MMS22L: variants seen among roughly 807,000 people sequenced by gnomAD.
MMS22L encodes the protein protein MMS22-like.
MMS22L carries 74 observed loss-of-function variants against 159.1 expected under a neutral mutation model. The observed-to-expected ratio is 0.47, with a 90% CI of 0.39 to 0.56. The LOEUF is 0.56. Among genes scored for constraint, MMS22L ranks in the 20% least tolerant of loss-of-function variants. The pLI, the probability that MMS22L is intolerant of heterozygous loss-of-function variation, is 0.00. For synonymous variants in MMS22L, 517 were observed against 506.9 expected (o/e 1.02, Z -0.27); for missense variants, 1,351 against 1,422.1 (o/e 0.95, Z 0.80).
At chr6:97,281,460 CATGTAT>C in intron 2 of MMS22L, 98 bp from the exon 3 acceptor site, 1 of 1,030,128 alleles carries the variant, frequency 9.7e-7, no homozygotes, top group Non-Finnish European at 1.4e-6. Context: ...TTATACATGA[CATGTAT>C]AAAAAGTCAG....
chr6:97,217,969 A>G (rs1363774642), intron 14 of MMS22L, among the ~76,000 whole-genome samples: 1 of 152,140 alleles, frequency 6.6e-6, no homozygotes, highest in African/African-American at 2.4e-5. Context: ...TTGTAGATTC[A>G]AAGTGTTCCT....
At chr6:97,254,104 T>C (rs1813520160) in intron 10 of MMS22L, 1 of 153,388 alleles carries the variant, frequency 6.5e-6, no homozygotes, top group Non-Finnish European at 1.5e-5. Flanking sequence ...TAAGTTATCT[T>C]AGCAAAAAGC....
In MMS22L at chr6:97,272,647, T is replaced by C; in HGVS notation, c.606+57A>G. On this transcript the variant is annotated intron_variant, in intron 6 of 24. Coordinates refer to ENST00000683635, the MANE Select transcript of MMS22L (RefSeq NM_001350599.2). Reference sequence around the variant, plus strand: ...CTAATTTCTCTCCTTCTTGAATGAATACTCCTTGTGGGGAGAAAAAGCTGA... The same window carrying C: ...CTAATTTCTCTCCTTCTTGAATGAACACTCCTTGTGGGGAGAAAAAGCTGA... 5 of 1,445,106 alleles carry C rather than the reference T, an allele frequency of 3.5e-6. No homozygotes were observed. In the East Asian group the frequency reaches 9.1e-5, roughly 26 times the overall value. The allele number at this position is 1,445,106 out of a possible 1,614,324, so 89.5% of individuals were successfully genotyped here.
intron 14 of MMS22L, among the ~76,000 whole-genome samples, chr6:97,216,059 C>G (rs9488267): frequency 0.65 from 99,256 of 151,962 alleles, 33,756 homozygotes; most frequent in Non-Finnish European, 0.76. Context: ...AATAAAATTT[C>G]AAACAGCAGT....
At chr6:97,157,225 C>T (rs781053730) in intron 22 of MMS22L, among the ~76,000 whole-genome samples, 19 of 152,116 alleles carry the variant, frequency 1.2e-4, no homozygotes, top group South Asian at 4.2e-4. Flanking sequence ...TGGACTGAGA[C>T]GATGGGGTTT....
intron 14 of MMS22L, among the ~76,000 whole-genome samples, chr6:97,205,289 T>C (rs1322803244): frequency 2.0e-5 from 3 of 152,010 alleles, no homozygotes; most frequent in Non-Finnish European, 1.5e-5. Flanking sequence ...TAAGTCTCCC[T>C]ATGTTGCCCA....
At chr6:97,222,682 T>C (rs1037002047) in intron 14 of MMS22L, among the ~76,000 whole-genome samples, 1 of 152,038 alleles carries the variant, frequency 6.6e-6, no homozygotes, top group Non-Finnish European at 1.5e-5. Flanking sequence ...CACTCACCCT[T>C]ACTTCAGTAA....
chr6:97,182,453 T>A (rs1433906678), intron 15 of MMS22L, among the ~76,000 whole-genome samples: 1 of 152,134 alleles, frequency 6.6e-6, no homozygotes, highest in East Asian at 1.9e-4. Flanking sequence ...GGTGAACAGT[T>A]CCTTCTCACC....
intron 1 of MMS22L, 115 bp from the exon 2 acceptor site, chr6:97,282,668 A>C: frequency 2.1e-6 from 1 of 482,016 alleles, no homozygotes; most frequent in East Asian, 3.9e-5. Context: ...CAAATTCCCA[A>C]TTCCCCCTCG....
chr6:97,224,585 T>A, intron 14 of MMS22L, among the ~76,000 whole-genome samples: 1 of 149,928 alleles, frequency 6.7e-6, no homozygotes, highest in African/African-American at 2.4e-5. Flanking sequence ...ACTTACAAAA[T>A]AAAAAGAAAG....
intron 23 of MMS22L, among the ~76,000 whole-genome samples, chr6:97,150,464 T>G (rs1296774059): frequency 1.3e-5 from 2 of 152,156 alleles, no homozygotes; most frequent in African/African-American, 4.8e-5. Context: ...TCCTAATATA[T>G]TTTATGTTCC....
chr6:97,203,239 A>G (rs796210174), intron 14 of MMS22L, among the ~76,000 whole-genome samples: 4 of 152,360 alleles, frequency 2.6e-5, no homozygotes, highest in African/African-American at 9.6e-5. Context: ...TAGGGTTAAC[A>G]GATGCTTTTT....
chr6:97,259,693 A>G (rs1471541238), intron 9 of MMS22L: 1 of 30,742 alleles, frequency 3.3e-5, no homozygotes, highest in South Asian at 2.0e-3. Flanking sequence ...CATTATAATA[A>G]ATCTTATATA....
intron 21 of MMS22L, among the ~76,000 whole-genome samples, chr6:97,165,010 T>C (rs1185047723): frequency 6.6e-6 from 1 of 152,092 alleles, no homozygotes; most frequent in African/African-American, 2.4e-5. Context: ...TTAGGACATA[T>C]ATAAGGAAGG....
At chr6:97,199,002 C>G (rs539573023) in intron 14 of MMS22L, among the ~76,000 whole-genome samples, 1 of 152,140 alleles carries the variant, frequency 6.6e-6, no homozygotes, top group Admixed American at 6.5e-5. Context: ...CCTTTTAAAG[C>G]TAATTAATAA....
intron 11 of MMS22L, among the ~76,000 whole-genome samples, chr6:97,236,630 GATA>G (rs1811442070): frequency 6.6e-6 from 1 of 152,074 alleles, no homozygotes; most frequent in South Asian, 2.1e-4. Flanking sequence ...TCAAAATTAA[GATA>G]AGACATTCTT....
intron 11 of MMS22L, among the ~76,000 whole-genome samples, chr6:97,242,315 T>A (rs1361226673): frequency 6.6e-6 from 1 of 152,226 alleles, no homozygotes; most frequent in Admixed American, 6.5e-5. Flanking sequence ...AGGATTGTGA[T>A]ATTCTTCTGT....
At chr6:97,198,636 G>A (rs1246820434) in intron 14 of MMS22L, among the ~76,000 whole-genome samples, 1 of 152,036 alleles carries the variant, frequency 6.6e-6, no homozygotes, top group Non-Finnish European at 1.5e-5. Context: ...GGAGGTGGGA[G>A]GAACAAAGAA....
chr6:97,280,482 G>A (rs1816663808), intron 3 of MMS22L, among the ~76,000 whole-genome samples: 1 of 152,018 alleles, frequency 6.6e-6, no homozygotes, highest in African/African-American at 2.4e-5. Flanking sequence ...ACAGACGCAT[G>A]CCATCACGCC....
Sources: gnomAD v4.1 joint callset for allele counts (sites outside exome capture counted in the v4.1 genomes callset) on GRCh38, gnomAD v4.1.1 for gene constraint, MANE v1.5 for transcripts, NCBI Gene and HGNC (gene_info 2026-07-23, HGNC 2026-07-21) for gene names.